Variants in TNFRSF8 observed in about 807,000 individuals in gnomAD.
TNFRSF8 encodes the protein tumor necrosis factor receptor superfamily member 8.
In TNFRSF8, 26 loss-of-function variants were observed where a neutral mutation model predicts 70.8. That is an observed-to-expected ratio of 0.37 (90% CI 0.27 to 0.51). The LOEUF is 0.51. TNFRSF8 is among the 20% of genes least tolerant of loss of function. TNFRSF8 has a pLI of 0.94. For missense variants in TNFRSF8, 720 were observed against 807.9 expected, an observed-to-expected ratio of 0.89 and a Z score of 1.32; for synonymous variants, 356 against 339.2, an observed-to-expected ratio of 1.05 and a Z score of -0.54.
At chr1:12,125,605 C>T (rs747338470) in intron 10 of TNFRSF8, among the ~76,000 whole-genome samples, 89 of 152,340 alleles carry the variant, frequency 5.8e-4, no homozygotes, top group Non-Finnish European at 9.8e-4. Flanking sequence ...ACCCTGACTC[C>T]GGCCACACCA....
At chr1:12,115,427 G>C (rs1315385255) in intron 7 of TNFRSF8, 150 bp from the exon 8 acceptor site, 1 of 864,428 alleles carries the variant, frequency 1.2e-6, no homozygotes, top group African/African-American at 1.7e-5. Context: ...AGCATGCTGG[G>C]AGAGCTGCTC....
intron 4 of TNFRSF8, among the ~76,000 whole-genome samples, chr1:12,107,753 C>G (rs1399284060): frequency 3.3e-5 from 5 of 152,070 alleles, no homozygotes; most frequent in Non-Finnish European, 5.9e-5. Flanking sequence ...GGGCAGCTCT[C>G]CGGGGTTGTT....
chr1:12,094,212 CAGTT>C (rs768339705), intron 2 of TNFRSF8, among the ~76,000 whole-genome samples: 1 of 152,096 alleles, frequency 6.6e-6, no homozygotes, highest in Non-Finnish European at 1.5e-5. Context: ...GTGATTACAA[CAGTT>C]AGGTGTTGAA....
intron 7 of TNFRSF8, among the ~76,000 whole-genome samples, chr1:12,115,189 T>G (rs930876991): frequency 6.6e-6 from 1 of 152,136 alleles, no homozygotes; most frequent in Non-Finnish European, 1.5e-5. Flanking sequence ...TAGGGAGAGA[T>G]AGTGGGCATA....
chr1:12,090,371 TACTC>T (rs1312559312), intron 2 of TNFRSF8, among the ~76,000 whole-genome samples: 1 of 145,474 alleles, frequency 6.9e-6, no homozygotes, highest in East Asian at 2.1e-4. Context: ...TCCACCCATC[TACTC>T]ACTCATCCAC....
intron 11 of TNFRSF8, 22 bp from the exon 12 acceptor site, chr1:12,126,161 C>A: frequency 6.2e-7 from 1 of 1,614,194 alleles, no homozygotes; most frequent in Non-Finnish European, 8.5e-7. Context: ...CACCCCCAGC[C>A]TTCCTCCTGG....
intron 3 of TNFRSF8, among the ~76,000 whole-genome samples, chr1:12,102,142 G>A (rs917302561): frequency 6.6e-6 from 1 of 152,120 alleles, no homozygotes; most frequent in African/African-American, 2.4e-5. Flanking sequence ...CTTCCTTGGC[G>A]CTGGTTTTCC....
chr1:12,124,511 T>C (rs1025213326), intron 10 of TNFRSF8, among the ~76,000 whole-genome samples: 4 of 152,176 alleles, frequency 2.6e-5, no homozygotes, highest in Admixed American at 6.5e-5. Context: ...AGTGTAGCAT[T>C]GTAGACGGCC....
rs1641191703 is a variant in TNFRSF8, at chr1:12,088,422, T to G, written c.151+3871T>G. Among the ~76,000 whole-genome samples, 2 of 152,170 alleles carry G rather than the reference T, an allele frequency of 1.3e-5. No individual in the cohort carries two copies. Among genetic ancestry groups the G allele is most frequent in the South Asian group, 4.1e-4 (2 of 4,820 alleles). ...ACAAGGCCACATGCGTATCAGTGGC[T>G]CAGCCGGGCCGTGAACATGACCACC... On this transcript the variant is annotated intron_variant, in intron 2 of 14. Transcript: ENST00000263932. This position sits in a 1 kb window ranked among gnomAD's most constrained non-coding sequence, Gnocchi z 4.0.
chr1:12,063,616 C>T lies in TNFRSF8; in HGVS notation c.18C>T (p.Ala6=), dbSNP rs368369505. The change falls in exon 1 of 15, where the codon GCC becomes GCT. Residue 6 remains alanine, a synonymous_variant. Transcript: ENST00000263932. The surrounding 1 kb of genome is among the most constrained non-coding windows in gnomAD (Gnocchi z 7.2). Reference sequence around the variant, plus strand: ...CCCCGGGGATGCGCGTCCTCCTCGCCGCGCTGGGACTGCTGTTCCTGGGGG... The same window carrying T: ...CCCCGGGGATGCGCGTCCTCCTCGCTGCGCTGGGACTGCTGTTCCTGGGGG... The part of the protein sequence containing the change: MRVLL[A]ALGLLFLGAL... The T allele has an allele frequency of 1.9e-3, 2,440 of 1,301,508 alleles. 3 individuals are homozygous for T. Among genetic ancestry groups the T allele is most frequent in the Non-Finnish European group, 2.3e-3 (2,314 of 1,015,908 alleles). 80.6% of individuals were successfully genotyped at this position (1,301,508 alleles called of 1,614,324 possible).
intron 2 of TNFRSF8, among the ~76,000 whole-genome samples, chr1:12,089,750 G>T (rs950043825): frequency 6.6e-6 from 1 of 152,066 alleles, no homozygotes; most frequent in Admixed American, 6.6e-5. Context: ...TTCAAAGGAG[G>T]AAGAATGGGA....
rs577285798 is a variant in TNFRSF8 at position 12,110,936 on chromosome 1, G to A, written c.676+732G>A. Among the ~76,000 whole-genome samples, 1 of 152,316 alleles carries A rather than the reference G, an allele frequency of 6.6e-6. No homozygotes were observed. Among genetic ancestry groups the A allele is most frequent in the South Asian group, 2.1e-4 (1 of 4,824 alleles). On this transcript the variant is annotated intron_variant, in intron 6 of 14. Coordinates refer to ENST00000263932, the MANE Select transcript of TNFRSF8 (RefSeq NM_001243.5). This position sits in a 1 kb window ranked among gnomAD's most constrained non-coding sequence, Gnocchi z 4.0. The stretch of plus-strand genomic sequence containing the variant: ...TTATTACTGAATAGCCCTCCATGGC[G>A]TAGATATGCCGAGCTCTGTTTATCC...
At chr1:12,104,740 C>A (rs1177601247) in intron 4 of TNFRSF8, among the ~76,000 whole-genome samples, 1 of 152,216 alleles carries the variant, frequency 6.6e-6, no homozygotes, top group Admixed American at 6.5e-5. Flanking sequence ...TGCAGAGAGA[C>A]CCTGCTGTCC....
chr1:12,132,451 GTCTCC>G (rs1389411394), intron 12 of TNFRSF8, among the ~76,000 whole-genome samples: 1 of 152,228 alleles, frequency 6.6e-6, no homozygotes. Flanking sequence ...CGGGACGCCT[GTCTCC>G]TGGGATCTGT....
At position 12,142,072 on chromosome 1, in the gene TNFRSF8, G is replaced by C. The variant is rs1242611880; in HGVS notation, c.1544-215G>C. On this transcript the variant is annotated intron_variant, in intron 14 of 14. Coordinates refer to ENST00000263932, the MANE Select transcript of TNFRSF8 (RefSeq NM_001243.5). The surrounding 1 kb of genome is among the most constrained non-coding windows in gnomAD (Gnocchi z 5.0). ...TGCTGAGAAAATCCTAAGTACAAGT[G>C]GGCTGGTTCTTAACTCCTCAAGGCC... 6.6e-6 allele frequency among the ~76,000 whole-genome samples: 1 copy of C among 152,168 alleles called. No individual in the cohort carries two copies. Among genetic ancestry groups the C allele is most frequent in the East Asian group, 1.9e-4 (1 of 5,188 alleles).
chr1:12,075,592 C>A (rs572568545), intron 1 of TNFRSF8, among the ~76,000 whole-genome samples: 2 of 152,162 alleles, frequency 1.3e-5, no homozygotes, highest in Admixed American at 1.3e-4. Flanking sequence ...TGAAAGTCAG[C>A]GGGTTCACAA....
At chr1:12,136,987 A>C (rs1642158520) in intron 13 of TNFRSF8, among the ~76,000 whole-genome samples, 1 of 151,408 alleles carries the variant, frequency 6.6e-6, no homozygotes, top group Admixed American at 6.6e-5. Context: ...GAAGGTCAGC[A>C]GATAAACATG....
At chr1:12,129,952 T>A (rs1296959429) in intron 12 of TNFRSF8, among the ~76,000 whole-genome samples, 2 of 152,216 alleles carry the variant, frequency 1.3e-5, no homozygotes, top group Admixed American at 1.3e-4. Context: ...TCACCCAGGC[T>A]GGAGTGCAGT....
rs1038113606 is a variant in TNFRSF8 at position 12,063,516 on chromosome 1, G to A, written c.-83G>A. On this transcript the variant is annotated 5_prime_UTR_variant, in exon 1 of 15. Transcript: ENST00000263932. This position sits in a 1 kb window ranked among gnomAD's most constrained non-coding sequence, Gnocchi z 7.2. The stretch of plus-strand genomic sequence containing the variant: ...TCCACGCGCGCGGCTGAGAACCGCC[G>A]GGACCGCACGTGGGCGCCGCGCGCT... The A allele has an allele frequency of 8.1e-7, 1 of 1,232,390 alleles. No homozygotes were observed. The highest frequency in any genetic ancestry group is 1.0e-6 in the Non-Finnish European group (1 of 967,778). The allele number at this position is 1,232,390 out of a possible 1,614,324, so 76.3% of individuals were successfully genotyped here. A position where few individuals can be genotyped will look rare whatever the true frequency, so the allele number is the denominator to read the frequency against.
Sources: allele counts gnomAD v4.1 joint callset (sites outside exome capture counted in the v4.1 genomes callset), GRCh38; gene constraint gnomAD v4.1.1; non-coding constraint Gnocchi (gnomAD v3.1); transcripts MANE v1.5; gene names NCBI Gene and HGNC (gene_info 2026-07-23, HGNC 2026-07-21).